Variants in SLC4A3 observed in about 807,000 individuals in gnomAD.
SLC4A3 encodes the protein anion exchange protein 3.
In SLC4A3, 47 loss-of-function variants were observed where a neutral mutation model predicts 114.2. The observed-to-expected ratio is 0.41, with a 90% CI of 0.33 to 0.52. SLC4A3 has a LOEUF of 0.52. Among genes scored for constraint, SLC4A3 ranks in the 20% least tolerant of loss-of-function variants. SLC4A3 has a pLI of 0.21. For missense variants in SLC4A3, 1,312 were observed against 1,668.3 expected (o/e 0.79, Z 3.72); for synonymous variants, 693 against 710.3 (o/e 0.98, Z 0.39).
At position 219,640,793 on chromosome 2, in the gene SLC4A3, A is replaced by G; in HGVS notation, c.3452A>G (p.Lys1151Arg). The change falls in exon 22 of 23, where the codon AAG becomes AGG. Residue 1151 changes from lysine (K) to arginine (R), a missense_variant. Lys to Arg is a conservative substitution (Grantham distance 26, BLOSUM62 2). Coordinates refer to ENST00000358055, the MANE Select transcript of SLC4A3 (RefSeq NM_005070.4). The stretch of plus-strand genomic sequence containing the variant: ...GCCCACTGGCTGCTCCCCTAGGTGA[A>G]GACGTGGCGGATGCATCTGTTCACC... Reference protein sequence around the residue: ...HPEQPYVTKVKTWRMHLFTCI... With the variant: ...HPEQPYVTKVRTWRMHLFTCI... 6.2e-7 allele frequency: 1 copy of G among 1,611,100 alleles called. No homozygotes were observed. The highest frequency in any genetic ancestry group is 1.1e-5 in the South Asian group (1 of 90,964).
At position 219,635,389 on chromosome 2, in the gene SLC4A3, T is replaced by C; in HGVS notation, c.1865T>C (p.Leu622Pro). ...PPSEVEGRDLLRSVAAFQREL... is the reference protein window; with the variant it reads ...PPSEVEGRDLPRSVAAFQREL... The stretch of plus-strand genomic sequence containing the variant: ...TCCGAGGTGGAGGGCCGTGACCTGC[T>C]GCGCTCCGTGGCTGCTTTCCAGCGA... The change falls in exon 13 of 23, where the codon CTG becomes CCG. Residue 622 changes from leucine (L) to proline (P), a missense_variant. Around this residue, in one of 4 missense-constraint regions of SLC4A3, gnomAD observed 771 missense variants for 977.7 expected, o/e 0.79. Coordinates refer to ENST00000358055, the MANE Select transcript of SLC4A3 (RefSeq NM_005070.4). 6.2e-7 allele frequency: 1 copy of C among 1,614,162 alleles called. No homozygotes were observed. The highest frequency in any genetic ancestry group is 8.5e-7 in the Non-Finnish European group (1 of 1,180,024).
At position 219,637,525 on chromosome 2, in the gene SLC4A3, T is replaced by C. The variant is rs1169327024; in HGVS notation, c.2536-56T>C. The C allele has an allele frequency of 1.0e-6, 1 of 972,936 alleles. No homozygotes were observed. The highest frequency in any genetic ancestry group is 1.6e-6 in the Non-Finnish European group (1 of 632,660). The allele number at this position is 972,936 out of a possible 1,614,324, so 60.3% of individuals were successfully genotyped here. A position where few individuals can be genotyped will look rare whatever the true frequency, so the allele number is the denominator to read the frequency against. ...TCTCTCACAGGTGTACTGATGACGA[T>C]GAAGTCAGGTCACCTGCCAGGTGAG... On this transcript the variant is annotated intron_variant, in intron 16 of 22. Coordinates refer to ENST00000358055, the MANE Select transcript of SLC4A3 (RefSeq NM_005070.4). The surrounding 1 kb of genome is among the most constrained non-coding windows in gnomAD (Gnocchi z 4.6).
In SLC4A3 at chr2:219,637,350, T is replaced by G. The variant is rs1399872864; in HGVS notation, c.2536-231T>G. Among the ~76,000 whole-genome samples, 1 of 151,066 alleles carries G rather than the reference T, an allele frequency of 6.6e-6. No individual in the cohort carries two copies. The highest frequency in any genetic ancestry group is 6.6e-5 in the Admixed American group (1 of 15,144). On this transcript the variant is annotated intron_variant, in intron 16 of 22. Transcript: ENST00000358055. This position sits in a 1 kb window ranked among gnomAD's most constrained non-coding sequence, Gnocchi z 4.6. ...TGTGGTGTGTATGTGGTATGTTGTGTTTTTTTTGTGTTGTATGTGTTATGT... is the reference window on the plus strand; with the variant it reads ...TGTGGTGTGTATGTGGTATGTTGTGGTTTTTTTGTGTTGTATGTGTTATGT...
Position 219,636,353 on chromosome 2 carries a change from C to G in SLC4A3, c.2243C>G (p.Ala748Gly). The change falls in exon 15 of 23, where the codon GCT becomes GGT. Residue 748 changes from alanine (A) to glycine (G), a missense_variant. Ala to Gly is a moderately conservative substitution (Grantham distance 60, BLOSUM62 0). This residue lies in a region of SLC4A3 where 771 missense variants were observed against 977.7 expected (regional missense o/e 0.79). Transcript: ENST00000358055. This position sits in a 1 kb window ranked among gnomAD's most constrained non-coding sequence, Gnocchi z 5.5. Reference protein sequence around the residue: ...MGVSELIVSTAVLGVLFSLLG... With the variant: ...MGVSELIVSTGVLGVLFSLLG... ...GTGTCCGAGCTGATCGTGTCCACCG[C>G]TGTGCTCGGCGTCCTCTTCTCTCTG... 2 of 1,613,860 alleles carry G rather than the reference C, an allele frequency of 1.2e-6. No homozygotes were observed. Among genetic ancestry groups the G allele is most frequent in the South Asian group, 1.1e-5 (1 of 91,078 alleles).
Position 219,633,913 on chromosome 2 carries a change from C to T in SLC4A3, c.1495C>T (p.Arg499Trp), listed in dbSNP as rs916613580. 7.0e-6 allele frequency: 11 copies of T among 1,560,970 alleles called. No individual in the cohort carries two copies. Among genetic ancestry groups the T allele is most frequent in the East Asian group, 4.7e-5 (2 of 42,218 alleles). The part of the protein sequence containing the change: ...PLHMPGGDGH[R>W]GKSLKLLEKI... ...CCACATGCCTGGGGGAGATGGTCAC[C>T]GGGGGAAAAGCCTGAAGCTGCTGGA... The change falls in exon 11 of 23, where the codon CGG (arginine) becomes TGG (tryptophan). Residue 499 changes from arginine (R) to tryptophan (W), a missense_variant. This residue lies in a region of SLC4A3 where 771 missense variants were observed against 977.7 expected (regional missense o/e 0.79). Transcript: ENST00000358055.
Position 219,639,693 on chromosome 2 carries a change from C to T in SLC4A3, c.3235C>T (p.Arg1079Trp), listed in dbSNP as rs62181349. 1.2e-6 allele frequency: 2 copies of T among 1,611,218 alleles called. No individual in the cohort carries two copies. Among genetic ancestry groups the T allele is most frequent in the South Asian group, 1.1e-5 (1 of 91,052 alleles). The change falls in exon 20 of 23, where the codon CGG becomes TGG. Residue 1079 changes from arginine to tryptophan, a missense_variant. Transcript: ENST00000358055. This position sits in a 1 kb window ranked among gnomAD's most constrained non-coding sequence, Gnocchi z 5.9. ...TGACAAGCCCCAGATCCAGGAGGTG[C>T]GGGAGCAGCGGGTCACTGGTGTGCT... is the stretch of plus-strand genomic sequence containing the variant. ...PGDKPQIQEV[R>W]EQRVTGVLIA...
chr2:219,633,087 C>A, intron 9 of SLC4A3, 78 bp downstream of exon 9: 3 of 1,544,174 alleles, frequency 1.9e-6, no homozygotes, highest in Non-Finnish European at 2.7e-6. Context: ...CAAGTGGCTC[C>A]CAGCCTCTGC....
rs1178100831 is a variant in SLC4A3, at chr2:219,636,942, T to C, written c.2535+68T>C. The C allele has an allele frequency of 6.0e-6, 8 of 1,343,910 alleles. No individual in the cohort carries two copies. In the Admixed American group the frequency reaches 1.4e-4, roughly 24 times the overall value. 83.2% of individuals were successfully genotyped at this position (1,343,910 alleles called of 1,614,324 possible). On this transcript the variant is annotated intron_variant, in intron 16 of 22. Transcript: ENST00000358055. This position sits in a 1 kb window ranked among gnomAD's most constrained non-coding sequence, Gnocchi z 5.5. ...GGACATTGCCCTGGGGAGGACAGCA[T>C]GGGAGGGGGAGGTATGGAGAACTAG...
Position 219,633,322 on chromosome 2 carries a change from G to C in SLC4A3, c.1326G>C (p.Ser442=). 6.2e-7 allele frequency: 1 copy of C among 1,600,782 alleles called. No homozygotes were observed. Among genetic ancestry groups the C allele is most frequent in the Non-Finnish European group, 8.5e-7 (1 of 1,171,446 alleles). Residue 442 remains serine, a synonymous_variant, in exon 10 of 23, where the codon TCG becomes TCC. Coordinates refer to ENST00000358055, the MANE Select transcript of SLC4A3 (RefSeq NM_005070.4). ...KDSGFFPRNP[S]SSSMNSVLGN... is the part of the protein sequence containing the mutation. ...GTGGCTTCTTTCCCCGAAACCCATC[G>C]AGCTCCAGCATGAACTCGGTTCTGG...
chr2:219,637,224 TGTGA>T lies in SLC4A3; in HGVS notation c.2535+353_2536-351del, dbSNP rs779167787. Among the ~76,000 whole-genome samples the T allele has an allele frequency of 2.1e-4, 32 of 150,834 alleles. No homozygotes were observed. Among genetic ancestry groups the T allele is most frequent in the Non-Finnish European group, 3.4e-4 (23 of 67,550 alleles). ...TGTGTGTGTGTGGGTGTGGGTGTGG[TGTGA>T]GTATGGTGTGTTGTGTGTGATGTAT... On this transcript the variant is annotated intron_variant, in intron 16 of 22. Transcript: ENST00000358055. The surrounding 1 kb of genome is among the most constrained non-coding windows in gnomAD (Gnocchi z 4.6).
rs1698984366 is a variant in SLC4A3, at chr2:219,633,019, T to C, written c.1277+10T>C. 1.2e-6 allele frequency: 2 copies of C among 1,613,412 alleles called. No homozygotes were observed. The highest frequency in any genetic ancestry group is 3.3e-5 in the Admixed American group (2 of 59,980). On this transcript the variant is annotated intron_variant, in intron 9 of 22. Coordinates refer to ENST00000358055, the MANE Select transcript of SLC4A3 (RefSeq NM_005070.4). Reference sequence around the variant, plus strand: ...TGCTACTGAAGCACAGGTGCCGGGGTGGGTCCCTGGGAGGGGCCTGTCCAG... The same window carrying C: ...TGCTACTGAAGCACAGGTGCCGGGGCGGGTCCCTGGGAGGGGCCTGTCCAG...
chr2:219,638,710 C>T lies in SLC4A3; in HGVS notation c.2864C>T (p.Thr955Ile), dbSNP rs752903893. ...SITDTYTQKLTVPTGLSVTSP... is the reference protein window; with the variant it reads ...SITDTYTQKLIVPTGLSVTSP... The stretch of plus-strand genomic sequence containing the variant: ...TGTTTTCCTGCCATGCAGAAGCTGA[C>T]AGTGCCTACAGGGCTCTCAGTGACC... Residue 955 changes from threonine to isoleucine, a missense_variant, in exon 19 of 23, where the codon ACA becomes ATA. Physicochemically the swap from Thr to Ile is moderately conservative, Grantham distance 89 (BLOSUM62 -1). Coordinates refer to ENST00000358055, the MANE Select transcript of SLC4A3 (RefSeq NM_005070.4). The surrounding 1 kb of genome is among the most constrained non-coding windows in gnomAD (Gnocchi z 7.5). 4.3e-6 allele frequency: 7 copies of T among 1,613,864 alleles called. No homozygotes were observed. The highest frequency in any genetic ancestry group is 5.9e-6 in the Non-Finnish European group (7 of 1,179,964).
chr2:219,639,784 T>G lies in SLC4A3; in HGVS notation c.3277+49T>G. 3 of 1,584,578 alleles carry G rather than the reference T, an allele frequency of 1.9e-6. No homozygotes were observed. Among genetic ancestry groups the G allele is most frequent in the Non-Finnish European group, 2.6e-6 (3 of 1,170,290 alleles). On this transcript the variant is annotated intron_variant, in intron 20 of 22. Coordinates refer to ENST00000358055, the MANE Select transcript of SLC4A3 (RefSeq NM_005070.4). This position sits in a 1 kb window ranked among gnomAD's most constrained non-coding sequence, Gnocchi z 5.9. ...ACACCCCCTTCCTTGGGCCCCACGG[T>G]CTTACATCTTCACTATCCCAGGCTT...
chr2:219,628,649 G>GGCTT lies in SLC4A3; in HGVS notation c.217+81_217+84dup. 2 of 1,459,652 alleles carry GGCTT rather than the reference G, an allele frequency of 1.4e-6. No individual in the cohort carries two copies. Among genetic ancestry groups the GGCTT allele is most frequent in the Non-Finnish European group, 1.9e-6 (2 of 1,059,500 alleles). 90.4% of individuals were successfully genotyped at this position (1,459,652 alleles called of 1,614,324 possible). A position where few individuals can be genotyped will look rare whatever the true frequency, so the allele number is the denominator to read the frequency against. Reference sequence around the variant, plus strand: ...CGCCACCATCACCGCGCTCACCTCCGGCTTGGTCACCCAGTGCCATCCTGT... The same window carrying GGCTT: ...CGCCACCATCACCGCGCTCACCTCCGGCTTGCTTGGTCACCCAGTGCCATCCTGT... On this transcript the variant is annotated intron_variant, in intron 3 of 22. Coordinates refer to ENST00000358055, the MANE Select transcript of SLC4A3 (RefSeq NM_005070.4). The surrounding 1 kb of genome is among the most constrained non-coding windows in gnomAD (Gnocchi z 4.8).
intron 20 of SLC4A3, among the ~76,000 whole-genome samples, chr2:219,640,176 A>C (rs909309014): frequency 4.2e-5 from 6 of 141,644 alleles, no homozygotes; most frequent in African/African-American, 5.3e-5. Flanking sequence ...TGATCCACCC[A>C]CCTCGGCCTC....
Position 219,629,659 on chromosome 2 carries a change from G to T in SLC4A3, c.575G>T (p.Gly192Val). Residue 192 changes from glycine to valine, a missense_variant, in exon 5 of 23, where the codon GGC becomes GTC. Gly to Val is a moderately radical substitution (Grantham distance 109). This residue lies in a region of SLC4A3 where 771 missense variants were observed against 977.7 expected (regional missense o/e 0.79). Coordinates refer to ENST00000358055, the MANE Select transcript of SLC4A3 (RefSeq NM_005070.4). ...GTCACCAAGCCCCTGCCCTCGGTGG[G>T]CCCACACACTGACAAGAGCCCCCAG... ...AAVTKPLPSV[G>V]PHTDKSPQHS... 1 of 1,612,680 alleles carries T rather than the reference G, an allele frequency of 6.2e-7. No individual in the cohort carries two copies.
rs997817548 is a variant in SLC4A3, at chr2:219,639,891, C to A, written c.3277+156C>A. Among the ~76,000 whole-genome samples, 2 of 152,170 alleles carry A rather than the reference C, an allele frequency of 1.3e-5. No individual in the cohort carries two copies. The highest frequency in any genetic ancestry group is 4.8e-5 in the African/African-American group (2 of 41,434). ...TTCCCAGCACTCCCCTAGCCCTTTA[C>A]TCCTGGAGTCCTTTTCTGGCTCTCT... On this transcript the variant is annotated intron_variant, in intron 20 of 22. Transcript: ENST00000358055. This position sits in a 1 kb window ranked among gnomAD's most constrained non-coding sequence, Gnocchi z 5.9.
chr2:219,638,518 C>T lies in SLC4A3; in HGVS notation c.2857-185C>T, dbSNP rs1421733143. Among the ~76,000 whole-genome samples the T allele has an allele frequency of 2.6e-4, 39 of 152,166 alleles. No homozygotes were observed. Among genetic ancestry groups the T allele is most frequent in the Non-Finnish European group, 1.9e-4 (13 of 68,014 alleles). On this transcript the variant is annotated intron_variant, in intron 18 of 22. Coordinates refer to ENST00000358055, the MANE Select transcript of SLC4A3 (RefSeq NM_005070.4). This position sits in a 1 kb window ranked among gnomAD's most constrained non-coding sequence, Gnocchi z 7.5. ...GCTCAGGGAGGAGGCGCTTCATTTC[C>T]CTGCCCTCTATTGGATCCTTGAAAG...
In SLC4A3 at chr2:219,630,240, G is replaced by A. The variant is rs149293939; in HGVS notation, c.699G>A (p.Glu233=). The A allele has an allele frequency of 1.4e-4, 218 of 1,613,340 alleles. No individual in the cohort carries two copies. The African/African-American group carries it at 2.2e-3, about 16-fold the overall frequency. The change falls in exon 6 of 23, where the codon GAG becomes GAA. Residue 233 remains glutamate, a synonymous_variant. Coordinates refer to ENST00000358055, the MANE Select transcript of SLC4A3 (RefSeq NM_005070.4). This position sits in a 1 kb window ranked among gnomAD's most constrained non-coding sequence, Gnocchi z 6.9. ...WSPSASYDLR[E]RLCPGSALGN... is the part of the protein sequence containing the mutation. ...CATCGGCCAGTTATGACCTGCGGGA[G>A]CGACTGTGCCCAGGCAGTGCCCTGG...
Sources: allele counts gnomAD v4.1 joint callset (sites outside exome capture counted in the v4.1 genomes callset), GRCh38; gene constraint gnomAD v4.1.1; regional missense constraint gnomAD v4.1.1; non-coding constraint Gnocchi (gnomAD v3.1); transcripts MANE v1.5; gene names NCBI Gene and HGNC (gene_info 2026-07-23, HGNC 2026-07-21).